The following CD163L1 variants were observed in gnomAD, a reference collection of about 807,000 sequenced individuals.
The protein encoded by CD163L1 is CD163 molecule like 1.
A neutral mutation model predicts 165.4 loss-of-function variants in CD163L1; 124 were observed. The ratio of observed to expected loss-of-function variants is 0.75; its 90% CI spans 0.65 to 0.87. The LOEUF (loss-of-function observed/expected upper bound fraction) is 0.87. Ranked by LOEUF, CD163L1 falls within the 40% of genes least tolerant of loss-of-function variation. The probability of loss-of-function intolerance (pLI) is 0.00; values close to 1 mark genes in which losing one functional copy is unlikely to be tolerated. For synonymous variants in CD163L1, 585 were observed against 662.2 expected, an observed-to-expected ratio of 0.88 and a Z score of 1.79; for missense variants, 1,525 against 1,799.9, an observed-to-expected ratio of 0.85 and a Z score of 2.76.
chr12:7,348,279 T>C (rs1286549101), intron 4 of CD163L1, among the ~76,000 whole-genome samples: 1 of 152,186 alleles, frequency 6.6e-6, no homozygotes, highest in Non-Finnish European at 1.5e-5. Flanking sequence ...CAACTGTTCA[T>C]TGGTGAGACC....
At chr12:7,361,388 G>T (rs1450048402) in intron 18 of CD163L1, among the ~76,000 whole-genome samples, 3 of 152,068 alleles carry the variant, frequency 2.0e-5, no homozygotes, top group East Asian at 3.9e-4. Context: ...TGCAGTAAAG[G>T]TTCACATGAC....
intron 18 of CD163L1, among the ~76,000 whole-genome samples, chr12:7,362,267 ATTAC>A (rs1250905896): frequency 5.6e-5 from 8 of 142,188 alleles, no homozygotes; most frequent in Non-Finnish European, 9.1e-5. Context: ...TATTTAATAT[ATTAC>A]TTATATATTA....
At chr12:7,323,186 C>T in the CD163L1 span, 1 of 1,500,758 alleles carries the variant, frequency 6.7e-7, no homozygotes, top group Non-Finnish European at 9.1e-7. Flanking sequence ...GATATAGTTT[C>T]AGAATATAAA....
chr12:7,443,147 T>C (rs1565823131), intron 1 of CD163L1, among the ~76,000 whole-genome samples: 1 of 152,238 alleles, frequency 6.6e-6, no homozygotes, highest in East Asian at 1.9e-4. Context: ...CTTCTCAAAC[T>C]GTAGAAACCC....
At chr12:7,388,546 C>T (rs935823646) in intron 8 of CD163L1, among the ~76,000 whole-genome samples, 5 of 152,016 alleles carry the variant, frequency 3.3e-5, no homozygotes, top group Admixed American at 3.3e-4. Context: ...AGATTGAGAC[C>T]AGCCTGGGCA....
intron 4 of CD163L1, among the ~76,000 whole-genome samples, chr12:7,420,599 T>C (rs1266183851): frequency 6.6e-6 from 1 of 151,524 alleles, no homozygotes; most frequent in East Asian, 1.9e-4. Flanking sequence ...CCAACAAAGA[T>C]GAAAAAACTC....
chr12:7,380,412 T>C (rs1591902026), intron 8 of CD163L1, among the ~76,000 whole-genome samples: 1 of 151,260 alleles, frequency 6.6e-6, no homozygotes, highest in Non-Finnish European at 1.5e-5. Context: ...CATGTATGTG[T>C]GTATATATAT....
intron 4 of CD163L1, among the ~76,000 whole-genome samples, chr12:7,409,793 T>C (rs749020510): frequency 6.6e-6 from 1 of 152,304 alleles, no homozygotes; most frequent in South Asian, 2.1e-4. Flanking sequence ...TTATCTGAGA[T>C]TGCCTTCTGC....
Position 7,432,560 on chromosome 12 carries a change from C to T in CD163L1, c.622G>A (p.Val208Ile). 6.2e-7 allele frequency: 1 copy of T among 1,614,116 alleles called. No individual in the cohort carries two copies. The highest frequency in any genetic ancestry group is 8.5e-7 in the Non-Finnish European group (1 of 1,180,012). The change falls in exon 4 of 20, where the codon GTT becomes ATT. Residue 208 changes from valine to isoleucine, a missense_variant. Coordinates refer to ENST00000313599, the MANE Select transcript of CD163L1 (RefSeq NM_174941.6). The surrounding 1 kb of genome is among the most constrained non-coding windows in gnomAD (Gnocchi z 4.2). The stretch of plus-strand genomic sequence containing the variant: ...GGGCGCAATACAGCAGGGCTATTAA[C>T]AACTCCAGAAGAAATAAAAGAAGAT... ...CPSSFISSGV[V>I]NSPAVLRPIW...
At chr12:7,441,579 C>T (rs79913569) in intron 1 of CD163L1, among the ~76,000 whole-genome samples, 16,137 of 152,134 alleles carry the variant, frequency 0.11, 1,470 homozygotes, top group African/African-American at 0.24. Flanking sequence ...CTTCTCAACT[C>T]TTTGACCCTC....
At chr12:7,395,036 C>A (rs1420716121) in intron 8 of CD163L1, among the ~76,000 whole-genome samples, 3 of 152,262 alleles carry the variant, frequency 2.0e-5, no homozygotes, top group Non-Finnish European at 2.9e-5. Context: ...GACAGTGTGG[C>A]AAATCCTCAA....
chr12:7,437,234 T>TAAAAG (rs375065508), intron 2 of CD163L1, among the ~76,000 whole-genome samples: 2 of 120,620 alleles, frequency 1.7e-5, no homozygotes, highest in Admixed American at 7.8e-5. Flanking sequence ...TTAAAAGTAT[T>TAAAAG]TACTTTTAAA....
rs1181377902 is a variant in CD163L1, at chr12:7,355,083, TATTCATTTA to T, written c.*63_*71del. 6.6e-6 allele frequency: 1 copy of T among 152,176 alleles called. No individual in the cohort carries two copies. Among genetic ancestry groups the T allele is most frequent in the Non-Finnish European group, 1.5e-5 (1 of 68,020 alleles). 9.4% of individuals were successfully genotyped at this position (152,176 alleles called of 1,614,324 possible). A position where few individuals can be genotyped will look rare whatever the true frequency, so the allele number is the denominator to read the frequency against. On this transcript the variant is annotated 3_prime_UTR_variant, in exon 20 of 20. Transcript: ENST00000313599. ...CCATAGGGCAACTTGACTTCCTCTTTATTCATTTAAAAGTTGTTGTCTCCTTCAAAGATA... is the reference window on the plus strand; with the variant it reads ...CCATAGGGCAACTTGACTTCCTCTTTAAAGTTGTTGTCTCCTTCAAAGATA...
chr12:7,390,646 G>A (rs1170821599), intron 8 of CD163L1, among the ~76,000 whole-genome samples: 3 of 152,178 alleles, frequency 2.0e-5, no homozygotes, highest in East Asian at 1.9e-4. Context: ...TTAAAAGGGA[G>A]AATAGAATTA....
downstream of CD163L1, among the ~76,000 whole-genome samples, chr12:7,353,496 C>A (rs1374598142): frequency 6.6e-6 from 1 of 151,782 alleles, no homozygotes; most frequent in Non-Finnish European, 1.5e-5. Context: ...AAGACAGGGA[C>A]AAGGAGAAAA....
intron 4 of CD163L1, among the ~76,000 whole-genome samples, chr12:7,407,782 T>TACACACAC (rs57031012): frequency 1.4e-4 from 20 of 143,992 alleles, no homozygotes; most frequent in Non-Finnish European, 2.5e-4. Context: ...CACACATCCA[T>TACACACAC]ACACACACAC....
chr12:7,394,123 A>C lies in CD163L1; in HGVS notation c.2050+1972T>G, dbSNP rs890336359. On this transcript the variant is annotated intron_variant, in intron 8 of 19. Transcript: ENST00000313599. ...AACAAAAACAAAAAAACAAAAAAAA[A>C]ATCACATAGCCAAGACAATCCTAAG... Among the ~76,000 whole-genome samples, 1,469 of 151,496 alleles carry C rather than the reference A, an allele frequency of 9.7e-3. 28 individuals carry two copies. The highest frequency in any genetic ancestry group is 0.033 in the African/African-American group (1,362 of 41,370).
chr12:7,403,577 G>A lies in CD163L1; in HGVS notation c.1366C>T (p.Arg456Ter), dbSNP rs768245486. ...WDCTYDGKAK[R>*]TCFRRSDAGV... ...GCATCTGATCTTCGGAAGCATGTTCGCTTTGCTTTTCCATCATATGTGCAG... is the reference window on the plus strand; with the variant it reads ...GCATCTGATCTTCGGAAGCATGTTCACTTTGCTTTTCCATCATATGTGCAG... Residue 456 changes from arginine to a stop codon, truncating the protein, a stop_gained, in exon 6 of 20, where the codon CGA becomes TGA. Transcript: ENST00000313599. LOFTEE classifies it high-confidence loss of function. 13 of 1,613,814 alleles carry A rather than the reference G, an allele frequency of 8.1e-6. No homozygotes were observed. The highest frequency in any genetic ancestry group is 2.2e-5 in the East Asian group (1 of 44,888).
At chr12:7,417,837 C>T (rs1208198576) in intron 4 of CD163L1, among the ~76,000 whole-genome samples, 1 of 151,980 alleles carries the variant, frequency 6.6e-6, no homozygotes, top group East Asian at 1.9e-4. Flanking sequence ...AGGATTTTCA[C>T]ATCGATGTTC....
Sources: allele counts gnomAD v4.1 joint callset (sites outside exome capture counted in the v4.1 genomes callset), GRCh38; gene constraint gnomAD v4.1.1; non-coding constraint Gnocchi (gnomAD v3.1); transcripts MANE v1.5; gene names NCBI Gene and HGNC (gene_info 2026-07-23, HGNC 2026-07-21).